Variants in MED13L observed in about 807,000 individuals in gnomAD.
MED13L encodes the protein mediator complex subunit 13L.
MED13L carries 7 observed loss-of-function variants against 220.9 expected under a neutral mutation model. The ratio of observed to expected loss-of-function variants is 0.03; its 90% CI spans 0.02 to 0.06. MED13L has a LOEUF of 0.06. MED13L is among the 10% of genes least tolerant of loss of function. MED13L has a pLI of 1.00. For synonymous variants in MED13L, 1,011 were observed against 1,015.2 expected (o/e 1.00, Z 0.08); for missense variants, 1,965 against 2,760.5 (o/e 0.71, Z 6.46).
chr12:116,181,539 C>T (rs943716745), intron 2 of MED13L, among the ~76,000 whole-genome samples: 3 of 152,058 alleles, frequency 2.0e-5, no homozygotes, highest in Non-Finnish European at 4.4e-5. Context: ...CGGCATTTCA[C>T]TCTTGTTGCC....
intron 2 of MED13L, among the ~76,000 whole-genome samples, chr12:116,177,272 C>T (rs1441509303): frequency 6.6e-6 from 1 of 152,140 alleles, no homozygotes; most frequent in Non-Finnish European, 1.5e-5. Context: ...CTTCTATTAT[C>T]GTAAGTTAGT....
chr12:116,003,713 T>G (rs1592937030), intron 13 of MED13L, among the ~76,000 whole-genome samples: 1 of 152,136 alleles, frequency 6.6e-6, no homozygotes, highest in African/African-American at 2.4e-5. Flanking sequence ...TAAAATAAAA[T>G]ATAAAATAAA....
At chr12:115,984,500 T>C (rs1177726202) in intron 19 of MED13L, 128 bp from the exon 20 acceptor site, 3 of 1,001,892 alleles carry the variant, frequency 3.0e-6, no homozygotes, top group African/African-American at 3.2e-5. Context: ...GGTTATCACA[T>C]GCAATCAAAC....
intron 2 of MED13L, chr12:116,174,598 T>C (rs943802482): frequency 2.6e-5 from 4 of 152,094 alleles, no homozygotes; most frequent in Non-Finnish European, 5.9e-5. Context: ...AATGACTAAG[T>C]TTCTCCAATC....
chr12:116,042,524 G>T (rs12424362), intron 4 of MED13L, among the ~76,000 whole-genome samples: 13,178 of 152,244 alleles, frequency 0.087, 1,231 homozygotes, highest in East Asian at 0.39. Context: ...AGACAAGGTA[G>T]AGAGAAATAT....
At chr12:116,095,458 TC>T (rs1457463008) in intron 4 of MED13L, among the ~76,000 whole-genome samples, 3 of 152,204 alleles carry the variant, frequency 2.0e-5, no homozygotes, top group Non-Finnish European at 4.4e-5. Context: ...ATGAGAAGAT[TC>T]CACAACCATT....
chr12:116,206,750 C>T (rs1024425686), intron 2 of MED13L, among the ~76,000 whole-genome samples: 1 of 151,866 alleles, frequency 6.6e-6, no homozygotes, highest in East Asian at 1.9e-4. Context: ...GAAGATAAAA[C>T]GCTAAAATAA....
At chr12:115,968,217 C>T (rs1283863676) in intron 28 of MED13L, among the ~76,000 whole-genome samples, 6 of 152,080 alleles carry the variant, frequency 3.9e-5, no homozygotes, top group Non-Finnish European at 8.8e-5. Context: ...ATAAACAGTA[C>T]AATACAGTGA....
intron 3 of MED13L, among the ~76,000 whole-genome samples, chr12:116,102,451 C>G (rs1203653959): frequency 6.6e-6 from 1 of 152,166 alleles, no homozygotes; most frequent in African/African-American, 2.4e-5. Flanking sequence ...AACAAAATTA[C>G]ATCTTCTGTT....
At chr12:116,108,707 A>G (rs1873814854) in intron 3 of MED13L, among the ~76,000 whole-genome samples, 1 of 152,236 alleles carries the variant, frequency 6.6e-6, no homozygotes, top group Non-Finnish European at 1.5e-5. Flanking sequence ...TATTTTCTAA[A>G]AGAAAAGATG....
At chr12:116,171,417 T>C (rs1271762821) in intron 2 of MED13L, among the ~76,000 whole-genome samples, 1 of 152,232 alleles carries the variant, frequency 6.6e-6, no homozygotes, top group Non-Finnish European at 1.5e-5. Context: ...CATCTTCTTC[T>C]TATGGAATAA....
At chr12:116,228,747 T>C (rs1869253183) in intron 2 of MED13L, among the ~76,000 whole-genome samples, 1 of 152,204 alleles carries the variant, frequency 6.6e-6, no homozygotes, top group Non-Finnish European at 1.5e-5. Flanking sequence ...AATGTTAATG[T>C]TCTAATATAT....
At chr12:116,172,723 C>T (rs1216295524) in intron 2 of MED13L, among the ~76,000 whole-genome samples, 2 of 151,976 alleles carry the variant, frequency 1.3e-5, no homozygotes, top group Non-Finnish European at 2.9e-5. Flanking sequence ...TTGTGGGAAT[C>T]GCGACAGACT....
chr12:116,065,680 CT>C (rs1869864193), intron 4 of MED13L, among the ~76,000 whole-genome samples: 2 of 152,144 alleles, frequency 1.3e-5, no homozygotes, highest in Non-Finnish European at 2.9e-5. Context: ...CCCAAGAGGC[CT>C]AATATTGCAT....
chr12:116,232,546 G>A (rs1288813984), intron 2 of MED13L, among the ~76,000 whole-genome samples: 3 of 152,156 alleles, frequency 2.0e-5, no homozygotes, highest in African/African-American at 7.2e-5. Context: ...TCTGCCGGGA[G>A]TGCAATACTG....
At chr12:116,178,240 G>A (rs560419783) in intron 2 of MED13L, among the ~76,000 whole-genome samples, 1 of 152,234 alleles carries the variant, frequency 6.6e-6, no homozygotes, top group East Asian at 1.9e-4. Flanking sequence ...TGTATATGAT[G>A]GTTAGCTATG....
intron 4 of MED13L, among the ~76,000 whole-genome samples, chr12:116,071,488 G>C (rs754312378): frequency 6.6e-6 from 1 of 152,114 alleles, no homozygotes; most frequent in African/African-American, 2.4e-5. Context: ...GTGCAATGGC[G>C]CAATCTCAGC....
chr12:116,099,509 G>GT (rs1315832446), intron 3 of MED13L, among the ~76,000 whole-genome samples: 1 of 152,104 alleles, frequency 6.6e-6, no homozygotes. Flanking sequence ...CTCATGTCTT[G>GT]AAGGTCAGAA....
chr12:115,965,587 T>G (rs577584108), intron 29 of MED13L, among the ~76,000 whole-genome samples: 131 of 152,346 alleles, frequency 8.6e-4, no homozygotes, highest in Non-Finnish European at 1.4e-3. Context: ...ATCTTTTGTT[T>G]TGAACCCTTA....
Sources: gnomAD v4.1 joint callset for allele counts (sites outside exome capture counted in the v4.1 genomes callset) on GRCh38, gnomAD v4.1.1 for gene constraint, MANE v1.5 for transcripts, NCBI Gene and HGNC (gene_info 2026-07-23, HGNC 2026-07-21) for gene names.